MUSK: variants seen among roughly 807,000 people sequenced by gnomAD.
MUSK encodes the protein muscle, skeletal receptor tyrosine-protein kinase.
MUSK carries 55 observed loss-of-function variants against 88.7 expected under a neutral mutation model. The observed-to-expected ratio is 0.62, with a 90% CI of 0.50 to 0.78. The LOEUF (loss-of-function observed/expected upper bound fraction) is 0.78, where lower values mean the gene tolerates loss of function less well. MUSK is among the 30% of genes least tolerant of loss of function. The pLI is 0.00. For synonymous variants in MUSK, 387 were observed against 391.9 expected, an observed-to-expected ratio of 0.99 and a Z score of 0.15; for missense variants, 1,015 against 1,074.3, an observed-to-expected ratio of 0.94 and a Z score of 0.77.
chr9:110,734,171 T>C, intron 5 of MUSK, 80 bp from the exon 6 acceptor site: 2 of 1,464,866 alleles, frequency 1.4e-6, no homozygotes, highest in Non-Finnish European at 1.9e-6. Context: ...GAACATGGTC[T>C]AATTTGCATT....
chr9:110,695,973 A>C (rs549184046), intron 4 of MUSK, among the ~76,000 whole-genome samples: 1 of 152,272 alleles, frequency 6.6e-6, no homozygotes, highest in Non-Finnish European at 1.5e-5. Context: ...AAGACTCAAG[A>C]CTCATACACA....
chr9:110,716,148 A>G (rs2131787731), intron 5 of MUSK, among the ~76,000 whole-genome samples: 1 of 150,156 alleles, frequency 6.7e-6, no homozygotes, highest in Non-Finnish European at 1.5e-5. Flanking sequence ...TGGGGGAAAA[A>G]AAAGAAAAAA....
intron 6 of MUSK, 37 bp from the exon 7 acceptor site, chr9:110,747,604 C>T (rs1030767720): frequency 1.9e-6 from 3 of 1,582,596 alleles, no homozygotes; most frequent in African/African-American, 2.7e-5. Context: ...GTGGGAAATC[C>T]TTGACTGAGT....
chr9:110,720,771 A>G (rs569366275), intron 5 of MUSK, among the ~76,000 whole-genome samples: 118 of 152,194 alleles, frequency 7.8e-4, no homozygotes, highest in African/African-American at 2.7e-3. Flanking sequence ...ATACTAAACC[A>G]GGAAAGAGCA....
intron 3 of MUSK, among the ~76,000 whole-genome samples, chr9:110,689,510 T>G (rs1305504872): frequency 1.2e-5 from 1 of 83,212 alleles, no homozygotes; most frequent in South Asian, 3.4e-4. Context: ...CATATTTATA[T>G]ATAAATATAT....
At chr9:110,799,396 G>A (rs1446416841) in intron 14 of MUSK, among the ~76,000 whole-genome samples, 2 of 152,074 alleles carry the variant, frequency 1.3e-5, no homozygotes, top group Non-Finnish European at 2.9e-5. Flanking sequence ...TTAAATCTAA[G>A]ACTTTATTTA....
At chr9:110,679,125 A>G (rs2076071660) in intron 1 of MUSK, among the ~76,000 whole-genome samples, 1 of 152,030 alleles carries the variant, frequency 6.6e-6, no homozygotes, top group Non-Finnish European at 1.5e-5. Context: ...TTTGATGTTT[A>G]TATCTTCTAT....
intron 11 of MUSK, 138 bp downstream of exon 11, chr9:110,776,793 G>T: frequency 1.4e-6 from 1 of 698,400 alleles, no homozygotes; most frequent in South Asian, 2.5e-5. Context: ...TACTCATCCA[G>T]GGTATAACAT....
At chr9:110,746,219 T>G (rs2077172907) in intron 6 of MUSK, among the ~76,000 whole-genome samples, 1 of 152,202 alleles carries the variant, frequency 6.6e-6, no homozygotes, top group African/African-American at 2.4e-5. Context: ...ATTGGCATCA[T>G]GTTTCCCTGA....
At chr9:110,685,482 G>T (rs2076184593) in intron 2 of MUSK, among the ~76,000 whole-genome samples, 1 of 152,204 alleles carries the variant, frequency 6.6e-6, no homozygotes, top group South Asian at 2.1e-4. Context: ...CCAGAAAAAA[G>T]AAATGAGGCC....
At chr9:110,786,090 T>C (rs923231860) in intron 13 of MUSK, among the ~76,000 whole-genome samples, 1 of 150,850 alleles carries the variant, frequency 6.6e-6, no homozygotes. Context: ...GGCGGGAGGA[T>C]CACCTTAGTC....
intron 6 of MUSK, among the ~76,000 whole-genome samples, chr9:110,740,159 G>A (rs900965986): frequency 1.6e-4 from 25 of 152,198 alleles, no homozygotes; most frequent in Middle Eastern, 6.8e-3. Context: ...TTCCTTCATG[G>A]ACTTGAACTA....
chr9:110,675,284 C>T (rs1354680264), intron 1 of MUSK, among the ~76,000 whole-genome samples: 1 of 141,666 alleles, frequency 7.1e-6, no homozygotes, highest in Non-Finnish European at 1.5e-5. Context: ...TGCAGTGTCG[C>T]GATCTCAGCT....
intron 5 of MUSK, among the ~76,000 whole-genome samples, chr9:110,704,018 G>A (rs2076564089): frequency 6.6e-6 from 1 of 152,134 alleles, no homozygotes; most frequent in South Asian, 2.1e-4. Context: ...ACAACAATTA[G>A]GATAACAATA....
rs763800237 is a variant in MUSK, at chr9:110,682,727, G to C, written c.133G>C (p.Ala45Pro). The C allele has an allele frequency of 8.7e-6, 14 of 1,612,680 alleles. No homozygotes were observed. Among genetic ancestry groups the C allele is most frequent in the Non-Finnish European group, 1.1e-5 (13 of 1,178,998 alleles). ...ETVDALVEEVATFMCAVESYP... is the reference protein window; with the variant it reads ...ETVDALVEEVPTFMCAVESYP... Reference sequence around the variant, plus strand: ...AGTGGATGCCTTAGTTGAAGAAGTGGCTACTTTCATGTGTGCAGTGGAATC... The same window carrying C: ...AGTGGATGCCTTAGTTGAAGAAGTGCCTACTTTCATGTGTGCAGTGGAATC... The change falls in exon 2 of 15, where the codon GCT becomes CCT. Residue 45 changes from alanine to proline, a missense_variant. Coordinates refer to ENST00000374448, the MANE Select transcript of MUSK (RefSeq NM_005592.4).
intron 1 of MUSK, among the ~76,000 whole-genome samples, chr9:110,672,567 C>T (rs1222100356): frequency 6.6e-6 from 1 of 151,952 alleles, no homozygotes; most frequent in Non-Finnish European, 1.5e-5. Context: ...CCATGAGATA[C>T]AGATTGGATC....
At chr9:110,751,048 G>A (rs1392412701) in intron 7 of MUSK, among the ~76,000 whole-genome samples, 1 of 152,090 alleles carries the variant, frequency 6.6e-6, no homozygotes, top group East Asian at 1.9e-4. Flanking sequence ...GTACAAAGGT[G>A]GTTGTGAAGG....
chr9:110,788,475 T>C (rs927379916), intron 14 of MUSK, among the ~76,000 whole-genome samples: 2 of 151,792 alleles, frequency 1.3e-5, no homozygotes, highest in East Asian at 3.9e-4. Flanking sequence ...CTACTAAAAA[T>C]AGAAAAATTA....
At position 110,777,461 on chromosome 9, in the gene MUSK, G is replaced by T. The variant is rs1451384957; in HGVS notation, c.1384+806G>T. 3.3e-5 allele frequency among the ~76,000 whole-genome samples: 5 copies of T among 152,032 alleles called. No individual in the cohort carries two copies. In the East Asian group the frequency reaches 7.7e-4, roughly 23 times the overall value. On this transcript the variant is annotated intron_variant, in intron 11 of 14. Transcript: ENST00000374448. ...AAGTATTAAAAGCAAGAATGCTACT[G>T]GTCCTAGTTGAATTACTCAGAGGTA...
Sources: allele counts gnomAD v4.1 joint callset (sites outside exome capture counted in the v4.1 genomes callset), GRCh38; gene constraint gnomAD v4.1.1; transcripts MANE v1.5; gene names NCBI Gene and HGNC (gene_info 2026-07-23, HGNC 2026-07-21).